Variants in SHLD2 observed in about 807,000 individuals in gnomAD.
SHLD2 encodes RINN1-REV7-interacting novel NHEJ regulator 2.
SHLD2 carries 30 observed loss-of-function variants against 73.2 expected under a neutral mutation model. The observed-to-expected ratio is 0.41, with a 90% CI of 0.31 to 0.56. SHLD2 has a LOEUF of 0.56. Ranked by LOEUF, SHLD2 falls within the 20% of genes least tolerant of loss-of-function variation. The pLI is 0.28. For missense variants in SHLD2, 745 were observed against 1,055.9 expected (o/e 0.71, Z 4.08); for synonymous variants, 285 against 370.1 (o/e 0.77, Z 2.64).
intron 2 of SHLD2, among the ~76,000 whole-genome samples, chr10:87,126,886 A>G (rs1844051072): frequency 6.6e-6 from 1 of 152,248 alleles, no homozygotes; most frequent in African/African-American, 2.4e-5. Flanking sequence ...CCTTAAATGA[A>G]TATTTTAAGC....
chr10:87,144,934 ATTCT>A (rs1845487740), intron 2 of SHLD2, among the ~76,000 whole-genome samples: 1 of 104,434 alleles, frequency 9.6e-6, no homozygotes, highest in South Asian at 3.0e-4. Context: ...CCGGCCTGTA[ATTCT>A]TTTTTTTTTT....
intron 2 of SHLD2, among the ~76,000 whole-genome samples, chr10:87,118,107 G>T (rs1248735653): frequency 6.6e-6 from 1 of 152,162 alleles, no homozygotes; most frequent in East Asian, 1.9e-4. Flanking sequence ...AGTCTTTACA[G>T]CAACTATCTC....
At chr10:87,137,739 C>T (rs935097832) in intron 2 of SHLD2, among the ~76,000 whole-genome samples, 14 of 152,036 alleles carry the variant, frequency 9.2e-5, no homozygotes, top group Non-Finnish European at 1.9e-4. Context: ...AAATACAAAA[C>T]AAAAATAAGC....
intron 8 of SHLD2, among the ~76,000 whole-genome samples, chr10:87,185,874 T>TTTC (rs1161844418): frequency 6.6e-6 from 1 of 152,174 alleles, no homozygotes; most frequent in Non-Finnish European, 1.5e-5. Context: ...GCTTATTTTC[T>TTTC]TTCTTCTTCT....
intron 1 of SHLD2, among the ~76,000 whole-genome samples, chr10:87,096,564 T>C: frequency 6.6e-6 from 1 of 152,054 alleles, no homozygotes; most frequent in Non-Finnish European, 1.5e-5. Context: ...CCTGGGCTCG[T>C]CTCTATAAAA....
intron 6 of SHLD2, among the ~76,000 whole-genome samples, chr10:87,173,162 G>A (rs964920651): frequency 4.6e-5 from 7 of 151,162 alleles, no homozygotes; most frequent in Admixed American, 6.6e-5. Context: ...CAAGTAAGTG[G>A]AATTACAGGC....
chr10:87,168,602 AAAAAT>A (rs1383896358), intron 4 of SHLD2, among the ~76,000 whole-genome samples: 6 of 147,036 alleles, frequency 4.1e-5, no homozygotes, highest in Non-Finnish European at 7.5e-5. Context: ...TTGTCTCAAA[AAAAAT>A]AAATAAATAA....
chr10:87,180,384 T>C, intron 8 of SHLD2, 81 bp downstream of exon 8: 1 of 1,520,448 alleles, frequency 6.6e-7, no homozygotes, highest in Non-Finnish European at 8.9e-7. Context: ...CCTTACTTTC[T>C]AAAAATAATT....
chr10:87,122,809 GCT>G (rs1483498761), intron 2 of SHLD2, among the ~76,000 whole-genome samples: 2 of 152,144 alleles, frequency 1.3e-5, no homozygotes, highest in African/African-American at 4.8e-5. Flanking sequence ...ACGGAGTCTC[GCT>G]CTGTCGCCCA....
At chr10:87,161,368 G>C (rs1846800929) in intron 4 of SHLD2, among the ~76,000 whole-genome samples, 1 of 152,038 alleles carries the variant, frequency 6.6e-6, no homozygotes, top group Non-Finnish European at 1.5e-5. Context: ...TTGAGCCCAG[G>C]CTGGGGGATG....
intron 4 of SHLD2, among the ~76,000 whole-genome samples, chr10:87,169,673 A>C (rs1847448967): frequency 6.6e-6 from 1 of 151,150 alleles, no homozygotes; most frequent in African/African-American, 2.4e-5. Flanking sequence ...TTACCTTCAG[A>C]GAAATTAAAA....
intron 2 of SHLD2, among the ~76,000 whole-genome samples, chr10:87,136,547 T>C (rs1844813488): frequency 1.3e-5 from 2 of 152,048 alleles, no homozygotes; most frequent in South Asian, 4.1e-4. Context: ...CTACCCTGTA[T>C]ATATCCACAT....
At chr10:87,166,515 G>A (rs1201511311) in intron 4 of SHLD2, among the ~76,000 whole-genome samples, 1 of 152,164 alleles carries the variant, frequency 6.6e-6, no homozygotes, top group African/African-American at 2.4e-5. Flanking sequence ...TTCATTGATT[G>A]GAAGATTTAA....
chr10:87,128,382 TGTCA>T (rs2134133984), intron 2 of SHLD2, among the ~76,000 whole-genome samples: 1 of 152,380 alleles, frequency 6.6e-6, no homozygotes, highest in East Asian at 1.9e-4. Flanking sequence ...TCACTTACTT[TGTCA>T]GTTTCATCAT....
At chr10:87,099,519 GT>G (rs1224042320) in intron 2 of SHLD2, among the ~76,000 whole-genome samples, 5 of 152,276 alleles carry the variant, frequency 3.3e-5, no homozygotes, top group African/African-American at 1.2e-4. Flanking sequence ...TGGCTACATA[GT>G]TTTTGTTGTA....
intron 2 of SHLD2, among the ~76,000 whole-genome samples, chr10:87,122,749 A>C (rs1843715433): frequency 6.6e-6 from 1 of 152,182 alleles, no homozygotes; most frequent in South Asian, 2.1e-4. Context: ...AGTTAACAAT[A>C]AGGTGTTTTT....
intron 7 of SHLD2, among the ~76,000 whole-genome samples, chr10:87,177,616 T>A (rs1248388314): frequency 6.6e-6 from 1 of 152,170 alleles, no homozygotes; most frequent in African/African-American, 2.4e-5. Flanking sequence ...GGAGAGAATA[T>A]GAAAACACAA....
intron 4 of SHLD2, among the ~76,000 whole-genome samples, chr10:87,162,585 G>T (rs3129476): frequency 6.6e-6 from 1 of 152,118 alleles, no homozygotes; most frequent in Non-Finnish European, 1.5e-5. Context: ...TCCCAGCTAC[G>T]TTGGAGGCTG....
chr10:87,170,918 C>A lies in SHLD2; in HGVS notation c.1907C>A (p.Ala636Glu). The A allele has an allele frequency of 6.2e-7, 1 of 1,604,694 alleles. No homozygotes were observed. Among genetic ancestry groups the A allele is most frequent in the East Asian group, 2.2e-5 (1 of 44,676 alleles). The part of the protein sequence containing the change: ...TVEQAQDQHY[A>E]LVLWGPGAAW... ...GAACAGGCCCAAGATCAACATTATGCGCTTGTATTATGGGGTCCTGGAGCA... is the reference window on the plus strand; with the variant it reads ...GAACAGGCCCAAGATCAACATTATGAGCTTGTATTATGGGGTCCTGGAGCA... Residue 636 changes from alanine (A) to glutamate (E), a missense_variant, in exon 6 of 10, where the codon GCG becomes GAG. Physicochemically the swap from Ala to Glu is moderately radical, Grantham distance 107. Around this residue, in one of 5 missense-constraint regions of SHLD2, gnomAD observed 418 missense variants for 567.8 expected, o/e 0.74. Transcript: ENST00000298786.
Sources: allele counts gnomAD v4.1 joint callset (sites outside exome capture counted in the v4.1 genomes callset), GRCh38; gene constraint gnomAD v4.1.1; regional missense constraint gnomAD v4.1.1; transcripts MANE v1.5; gene names NCBI Gene and HGNC (gene_info 2026-07-23, HGNC 2026-07-21).